Variants in NGEF observed in about 807,000 individuals in gnomAD.
The protein encoded by NGEF is ephexin-1.
In NGEF, 31 loss-of-function variants were observed where a neutral mutation model predicts 80.9. The ratio of observed to expected loss-of-function variants is 0.38; its 90% CI spans 0.29 to 0.52. The LOEUF is 0.52. Ranked by LOEUF, NGEF falls within the 20% of genes least tolerant of loss-of-function variation. The probability of loss-of-function intolerance (pLI) is 0.84; values close to 1 mark genes in which losing one functional copy is unlikely to be tolerated. For missense variants in NGEF, 709 were observed against 926.2 expected (o/e 0.77, Z 3.04); for synonymous variants, 371 against 370.2 (o/e 1.00, Z -0.03).
At chr2:232,958,465 C>A (rs918864600) in intron 3 of NGEF, among the ~76,000 whole-genome samples, 4 of 152,202 alleles carry the variant, frequency 2.6e-5, no homozygotes, top group African/African-American at 4.8e-5. Flanking sequence ...AGTCGGCATG[C>A]ATGCATTTAC....
intron 5 of NGEF, among the ~76,000 whole-genome samples, chr2:232,899,223 A>C (rs1364631933): frequency 6.6e-6 from 1 of 151,974 alleles, no homozygotes; most frequent in Admixed American, 6.6e-5. Context: ...GTGTGTGTGA[A>C]TGTGTGCATA....
intron 1 of NGEF, among the ~76,000 whole-genome samples, chr2:232,997,783 G>C (rs1368861472): frequency 6.6e-6 from 1 of 152,134 alleles, no homozygotes; most frequent in Non-Finnish European, 1.5e-5. Flanking sequence ...AATCTCTCCT[G>C]CTCGGGGGTG....
intron 1 of NGEF, among the ~76,000 whole-genome samples, chr2:232,976,144 T>C (rs1383716498): frequency 6.6e-6 from 1 of 152,098 alleles, no homozygotes; most frequent in African/African-American, 2.4e-5. Flanking sequence ...GAGGTTGCCA[T>C]AAGCAGAGAT....
chr2:232,954,981 G>A (rs932295018), intron 3 of NGEF, among the ~76,000 whole-genome samples: 7 of 151,698 alleles, frequency 4.6e-5, no homozygotes, highest in African/African-American at 1.2e-4. Context: ...AGCACTTTAC[G>A]GATAACAGCT....
rs1559214624 is a variant in NGEF at position 232,934,258 on chromosome 2, A to AAAAG, written c.384-7076_384-7073dup. The stretch of plus-strand genomic sequence containing the variant: ...CTGCATCTCAAAAAAAAAAAAAAAA[A>AAAAG]AAAGAAAGAGAAAGAAAAACACTCT... On this transcript the variant is annotated intron_variant, in intron 3 of 14. Transcript: ENST00000264051. Among the ~76,000 whole-genome samples the AAAAG allele has an allele frequency of 3.9e-4, 58 of 150,100 alleles. 1 individual carries two copies. The highest frequency in any genetic ancestry group is 2.6e-3 in the East Asian group (13 of 4,930).
At chr2:232,930,867 C>T (rs1399315194) in intron 3 of NGEF, among the ~76,000 whole-genome samples, 1 of 152,224 alleles carries the variant, frequency 6.6e-6, no homozygotes, top group Non-Finnish European at 1.5e-5. Flanking sequence ...TCCATCTTAA[C>T]AACCCAAAAG....
At chr2:232,917,283 A>G (rs1692823604) in intron 5 of NGEF, among the ~76,000 whole-genome samples, 1 of 152,196 alleles carries the variant, frequency 6.6e-6, no homozygotes, top group Non-Finnish European at 1.5e-5. Context: ...TAGTCTGCAT[A>G]GGTGTCTAAA....
intron 6 of NGEF, 159 bp downstream of exon 6, chr2:232,894,597 T>G: frequency 1.3e-6 from 1 of 791,822 alleles, no homozygotes; most frequent in South Asian, 4.2e-5. Context: ...GTGGTGAGGT[T>G]TGGATTTAGT....
intron 3 of NGEF, among the ~76,000 whole-genome samples, chr2:232,932,633 T>C (rs1693239397): frequency 6.6e-6 from 1 of 152,156 alleles, no homozygotes; most frequent in Admixed American, 6.5e-5. Context: ...TGCTGTAGTC[T>C]GGGGGCCTAT....
intron 3 of NGEF, among the ~76,000 whole-genome samples, chr2:232,959,729 G>A (rs562666225): frequency 9.2e-5 from 14 of 152,112 alleles, no homozygotes; most frequent in Middle Eastern, 3.4e-3. Flanking sequence ...ACAGGCACGC[G>A]CCACCATGCC....
intron 1 of NGEF, among the ~76,000 whole-genome samples, chr2:232,995,754 T>C (rs1447376890): frequency 1.4e-5 from 2 of 146,670 alleles, no homozygotes; most frequent in East Asian, 4.0e-4. Flanking sequence ...ACAATATGTA[T>C]ATGTATTATA....
chr2:232,940,981 A>T (rs1478554812), intron 3 of NGEF, among the ~76,000 whole-genome samples: 1 of 151,762 alleles, frequency 6.6e-6, no homozygotes, highest in East Asian at 1.9e-4. Context: ...ATTCACGCAG[A>T]GCTGGGCTGG....
At chr2:232,988,129 C>T (rs1032110886) in intron 1 of NGEF, among the ~76,000 whole-genome samples, 11 of 151,408 alleles carry the variant, frequency 7.3e-5, no homozygotes, top group East Asian at 1.9e-4. Flanking sequence ...TACCGCTGTG[C>T]GCAGCTGGTG....
chr2:232,885,117 C>T (rs1407245944), intron 10 of NGEF, 163 bp downstream of exon 10: 7 of 621,630 alleles, frequency 1.1e-5, no homozygotes, highest in South Asian at 5.6e-5. Context: ...TGGTGGCAGG[C>T]GGGGTGGCTT....
intron 1 of NGEF, among the ~76,000 whole-genome samples, chr2:233,011,151 A>G (rs1301010882): frequency 6.6e-6 from 1 of 152,084 alleles, no homozygotes; most frequent in East Asian, 1.9e-4. Flanking sequence ...GGGGTGTGGG[A>G]CACAGCATCG....
intron 3 of NGEF, among the ~76,000 whole-genome samples, chr2:232,966,059 G>A (rs533834987): frequency 1.5e-3 from 223 of 152,288 alleles, no homozygotes; most frequent in African/African-American, 5.0e-3. Flanking sequence ...GGTCTCTTTC[G>A]CTGGGTATTA....
intron 12 of NGEF, among the ~76,000 whole-genome samples, chr2:232,883,058 C>G (rs1691561330): frequency 1.8e-5 from 1 of 56,976 alleles, no homozygotes. Flanking sequence ...AGGGAACACA[C>G]ACACACACAC....
At chr2:232,896,642 G>A (rs2106238162) in intron 5 of NGEF, among the ~76,000 whole-genome samples, 1 of 61,026 alleles carries the variant, frequency 1.6e-5, no homozygotes, top group Non-Finnish European at 3.1e-5. Flanking sequence ...GTGGGGGTGA[G>A]GGTAGGGGTT....
At chr2:232,943,886 A>C (rs1432470576) in intron 3 of NGEF, among the ~76,000 whole-genome samples, 1 of 152,112 alleles carries the variant, frequency 6.6e-6, no homozygotes, top group Non-Finnish European at 1.5e-5. Context: ...TCCTGATTGG[A>C]GAACAAAACT....
Sources: gnomAD v4.1 joint callset for allele counts (sites outside exome capture counted in the v4.1 genomes callset) on GRCh38, gnomAD v4.1.1 for gene constraint, MANE v1.5 for transcripts, NCBI Gene and HGNC (gene_info 2026-07-23, HGNC 2026-07-21) for gene names.